The following TMC5 variants were observed in gnomAD, a reference collection of about 807,000 sequenced individuals.
TMC5 encodes transmembrane channel like 5.
Under a neutral mutation model 110.5 loss-of-function variants are expected in TMC5, and 86 were observed. The observed-to-expected ratio is 0.78, with a 90% CI of 0.65 to 0.93. TMC5 has a LOEUF of 0.93. Among genes scored for constraint, TMC5 ranks in the 40% least tolerant of loss-of-function variants. The probability of loss-of-function intolerance (pLI) is 0.00; values close to 1 mark genes in which losing one functional copy is unlikely to be tolerated. For missense variants in TMC5, 1,144 were observed against 1,222.8 expected (o/e 0.94, Z 0.96); for synonymous variants, 455 against 439.5 (o/e 1.04, Z -0.44).
In TMC5 at chr16:19,474,197, G is replaced by T; in HGVS notation, c.2011G>T (p.Val671Leu). The T allele has an allele frequency of 6.2e-7, 1 of 1,614,004 alleles. No individual in the cohort carries two copies. ...PFVVSCINLAVPCIYSMFRLV... is the reference protein window; with the variant it reads ...PFVVSCINLALPCIYSMFRLV... ...CGTTGTGTCCTGCATTAATCTGGCC[G>T]TGCCATGCATCTACTCCATGTTCAG... is the stretch of plus-strand genomic sequence containing the variant. The change falls in exon 12 of 22, where the codon GTG becomes TTG. Residue 671 changes from valine (V) to leucine (L), a missense_variant. Val to Leu is a conservative substitution (Grantham distance 32). Transcript: ENST00000542583.
chr16:19,417,094 CAAAAAAAAA>C (rs60613963), upstream of TMC5, among the ~76,000 whole-genome samples: 3 of 69,176 alleles, frequency 4.3e-5, no homozygotes, highest in East Asian at 4.3e-4. Flanking sequence ...ACTCAGTCTT[CAAAAAAAAA>C]AAAAAAAAAA....
chr16:19,469,904 T>C (rs1597201049), intron 10 of TMC5, 79 bp downstream of exon 10: 2 of 1,510,788 alleles, frequency 1.3e-6, no homozygotes, highest in East Asian at 2.3e-5. Context: ...TTTTCTTTTT[T>C]TTTTTTTTGA....
chr16:19,469,758 G>A lies in TMC5; in HGVS notation c.1715G>A (p.Trp572Ter). Reference sequence around the variant, plus strand: ...GGGATCACCAAGCTGATCTTTTGCTGGGACTTCACTGTCACTCATGAAAAA... The same window carrying A: ...GGGATCACCAAGCTGATCTTTTGCTAGGACTTCACTGTCACTCATGAAAAA... ...SGGITKLIFC[W>*]DFTVTHEKAV... Residue 572 changes from tryptophan (W) to a stop codon, truncating the protein, a stop_gained, in exon 10 of 22, where the codon TGG becomes TAG. Transcript: ENST00000542583. LOFTEE classifies it high-confidence loss of function. 3 of 1,614,176 alleles carry A rather than the reference G, an allele frequency of 1.9e-6. No individual in the cohort carries two copies. Among genetic ancestry groups the A allele is most frequent in the East Asian group, 4.5e-5 (2 of 44,882 alleles).
intron 2 of TMC5, among the ~76,000 whole-genome samples, chr16:19,438,761 G>A (rs534945588): frequency 5.1e-4 from 77 of 152,028 alleles, no homozygotes; most frequent in African/African-American, 1.7e-3. Context: ...AAAGAAAAAC[G>A]AAAAGAAAAG....
rs563230178 is a variant in TMC5 at position 19,493,466 on chromosome 16, T to TCTG, written c.2827-796_2827-795insCTG. ...TAATGTCTCTCTCTCTCTCTCTCTC[T>TCTG]TTTTTTTTTTTTGAGACAGAATCTC... On this transcript the variant is annotated intron_variant, in intron 19 of 21. Coordinates refer to ENST00000542583, the MANE Select transcript of TMC5 (RefSeq NM_001261841.2). 3.2e-5 allele frequency among the ~76,000 whole-genome samples: 4 copies of TCTG among 124,502 alleles called. No individual in the cohort carries two copies. The Admixed American group carries it at 3.4e-4, about 11-fold the overall frequency. The allele number at this position is 124,502 out of a possible 152,430, so 81.7% of individuals were successfully genotyped here. A position where few individuals can be genotyped will look rare whatever the true frequency, so the allele number is the denominator to read the frequency against.
Position 19,438,829 on chromosome 16 carries a change from A to G in TMC5, c.-79-1131A>G, listed in dbSNP as rs190685834. On this transcript the variant is annotated intron_variant, in intron 2 of 21. Coordinates refer to ENST00000542583, the MANE Select transcript of TMC5 (RefSeq NM_001261841.2). ...GTGTTAAAAGAAAAACTTTAGACAA[A>G]CTAGAGGTAACAGGGTTTAATCAAA... Among the ~76,000 whole-genome samples, 943 of 152,374 alleles carry G rather than the reference A, an allele frequency of 6.2e-3. 10 individuals are homozygous for G. Among genetic ancestry groups the G allele is most frequent in the African/African-American group, 0.022 (898 of 41,584 alleles).
chr16:19,445,589 C>T (rs1408218865), intron 4 of TMC5, among the ~76,000 whole-genome samples: 3 of 151,526 alleles, frequency 2.0e-5, no homozygotes, highest in South Asian at 2.1e-4. Context: ...TCCAGGAAGC[C>T]GTTTGATGGC....
intron 10 of TMC5, among the ~76,000 whole-genome samples, chr16:19,471,169 G>A (rs1448876744): frequency 1.3e-5 from 2 of 151,934 alleles, no homozygotes; most frequent in Non-Finnish European, 2.9e-5. Context: ...ATTCACTGCA[G>A]TGTCGACCTC....
chr16:19,444,279 C>T (rs747800677), intron 4 of TMC5, 29 bp downstream of exon 4: 6 of 1,604,874 alleles, frequency 3.7e-6, no homozygotes, highest in Non-Finnish European at 5.1e-6. Flanking sequence ...AGGATCATAT[C>T]CTGGGAAAAA....
chr16:19,456,188 C>T (rs994609416), intron 5 of TMC5, among the ~76,000 whole-genome samples: 1 of 150,760 alleles, frequency 6.6e-6, no homozygotes, highest in Non-Finnish European at 1.5e-5. Context: ...GCCTGGGTGA[C>T]ATAGCGAGAC....
At chr16:19,422,088 G>A (rs1414726868) in intron 1 of TMC5, among the ~76,000 whole-genome samples, 1 of 152,080 alleles carries the variant, frequency 6.6e-6, no homozygotes, top group Non-Finnish European at 1.5e-5. Context: ...AAAATTAGCT[G>A]GGCATGGTGG....
chr16:19,428,350 C>T (rs1192122367), intron 1 of TMC5, among the ~76,000 whole-genome samples: 1 of 149,772 alleles, frequency 6.7e-6, no homozygotes, highest in African/African-American at 2.5e-5. Context: ...GCTCTGTTGC[C>T]CAGGCTGGAG....
intron 20 of TMC5, among the ~76,000 whole-genome samples, chr16:19,495,702 G>A (rs1045763644): frequency 2.5e-4 from 38 of 151,878 alleles, no homozygotes; most frequent in African/African-American, 8.7e-4. Context: ...AATTAGGCAC[G>A]GTGGCATGCA....
intron 2 of TMC5, among the ~76,000 whole-genome samples, chr16:19,436,641 A>G (rs1967356844): frequency 6.6e-6 from 1 of 152,058 alleles, no homozygotes; most frequent in South Asian, 2.1e-4. Flanking sequence ...CTTTTTTTTC[A>G]TTTGCAAATG....
chr16:19,481,578 C>T (rs901369720), intron 15 of TMC5, 113 bp downstream of exon 15: 3 of 753,270 alleles, frequency 4.0e-6, no homozygotes, highest in East Asian at 5.1e-5. Context: ...GGGTGATAAC[C>T]CATCCAGCCA....
At chr16:19,487,424 G>A (rs559633117) in intron 17 of TMC5, 98 bp downstream of exon 17, 92 of 1,449,198 alleles carry the variant, frequency 6.3e-5, no homozygotes, top group Middle Eastern at 4.8e-4. Context: ...TGGTGAGGCC[G>A]GGTGCAGTGG....
rs1968857275 is a variant in TMC5 at position 19,490,430 on chromosome 16, G to A, written c.2609G>A (p.Gly870Asp). The stretch of plus-strand genomic sequence containing the variant: ...TCAGCTGACTGTGGCCCTTTTCGAG[G>A]TCTGCCTCTCTTCATTCACTCCATC... ...KPSADCGPFRGLPLFIHSIYS... is the reference protein window; with the variant it reads ...KPSADCGPFRDLPLFIHSIYS... The change falls in exon 18 of 22, where the codon GGT becomes GAT. Residue 870 changes from glycine to aspartate, a missense_variant. Transcript: ENST00000542583. The A allele has an allele frequency of 6.2e-7, 1 of 1,614,118 alleles. No individual in the cohort carries two copies. Among genetic ancestry groups the A allele is most frequent in the African/African-American group, 1.3e-5 (1 of 75,008 alleles).
intron 5 of TMC5, among the ~76,000 whole-genome samples, chr16:19,451,192 A>G (rs956643360): frequency 5.9e-5 from 9 of 152,270 alleles, no homozygotes; most frequent in South Asian, 2.1e-4. Flanking sequence ...TAGACTAGGG[A>G]GTGCTGGAGC....
chr16:19,454,978 A>C (rs1465357692), intron 5 of TMC5, among the ~76,000 whole-genome samples: 2 of 152,038 alleles, frequency 1.3e-5, no homozygotes, highest in Non-Finnish European at 2.9e-5. Context: ...ATGTCTTTAA[A>C]AAAAAACAAA....
Sources: gnomAD v4.1 joint callset for allele counts (sites outside exome capture counted in the v4.1 genomes callset) on GRCh38, gnomAD v4.1.1 for gene constraint, MANE v1.5 for transcripts, NCBI Gene and HGNC (gene_info 2026-07-23, HGNC 2026-07-21) for gene names.